NCKAP5: variants seen among roughly 807,000 people sequenced by gnomAD.
NCKAP5 encodes the protein NCK associated protein 5.
A neutral mutation model predicts 167.0 loss-of-function variants in NCKAP5; 92 were observed. The observed-to-expected ratio is 0.55, with a 90% CI of 0.47 to 0.66. The LOEUF (loss-of-function observed/expected upper bound fraction) is 0.66. Among genes scored for constraint, NCKAP5 ranks in the 30% least tolerant of loss-of-function variants. The pLI is 0.00. For missense variants in NCKAP5, 2,378 were observed against 2,315.0 expected, an observed-to-expected ratio of 1.03 and a Z score of -0.56; for synonymous variants, 891 against 877.4, an observed-to-expected ratio of 1.02 and a Z score of -0.27.
intron 1 of NCKAP5, among the ~76,000 whole-genome samples, chr2:133,560,856 C>T (rs1273834056): frequency 1.3e-5 from 2 of 152,208 alleles, no homozygotes; most frequent in Non-Finnish European, 2.9e-5. Flanking sequence ...GCAAGTATAA[C>T]TTGTGCCTAG....
intron 11 of NCKAP5, among the ~76,000 whole-genome samples, chr2:132,832,352 T>C (rs1034229619): frequency 2.6e-5 from 4 of 152,290 alleles, no homozygotes; most frequent in African/African-American, 9.6e-5. Flanking sequence ...TGCTGGCATG[T>C]AGAAATGCTG....
chr2:133,308,915 T>C (rs1403521486), intron 3 of NCKAP5, among the ~76,000 whole-genome samples: 1 of 150,878 alleles, frequency 6.6e-6, no homozygotes, highest in African/African-American at 2.4e-5. Flanking sequence ...TTTCACCTTG[T>C]TAGCCAGGAT....
chr2:133,577,230 T>C, the NCKAP5 span, among the ~76,000 whole-genome samples: 6 of 152,032 alleles, frequency 3.9e-5, no homozygotes, highest in Non-Finnish European at 7.4e-5. Flanking sequence ...ACCACCCCTG[T>C]GGTGAGAGAG....
In NCKAP5 at chr2:132,871,031, C is replaced by G. The variant is rs187519438; in HGVS notation, c.649-2057G>C. Among the ~76,000 whole-genome samples, 3 of 152,182 alleles carry G rather than the reference C, an allele frequency of 2.0e-5. No individual in the cohort carries two copies. The East Asian group carries it at 5.8e-4, about 29-fold the overall frequency. Reference sequence around the variant, plus strand: ...AAAAAAGAAAGGCTCTTCATTGAAACTATGATTTTAAATAAAATGTTTTCT... The same window carrying G: ...AAAAAAGAAAGGCTCTTCATTGAAAGTATGATTTTAAATAAAATGTTTTCT... On this transcript the variant is annotated intron_variant, in intron 9 of 19. Transcript: ENST00000409261.
intron 4 of NCKAP5, among the ~76,000 whole-genome samples, chr2:133,248,868 T>G (rs1385871660): frequency 6.6e-6 from 1 of 152,166 alleles, no homozygotes; most frequent in African/African-American, 2.4e-5. Context: ...CCTTCCTGAG[T>G]TCCAATTTAT....
At chr2:132,871,452 C>G (rs1243579299) in intron 9 of NCKAP5, among the ~76,000 whole-genome samples, 1 of 152,202 alleles carries the variant, frequency 6.6e-6, no homozygotes, top group Non-Finnish European at 1.5e-5. Flanking sequence ...TTTACATTCT[C>G]ATAAAACTGC....
chr2:132,754,932 C>T (rs948740581), intron 16 of NCKAP5, among the ~76,000 whole-genome samples: 2 of 152,204 alleles, frequency 1.3e-5, no homozygotes, highest in Non-Finnish European at 2.9e-5. Flanking sequence ...ATTGGATAAG[C>T]TCATCAAATG....
chr2:133,263,886 A>C (rs1335773295), intron 4 of NCKAP5, among the ~76,000 whole-genome samples: 4 of 152,224 alleles, frequency 2.6e-5, no homozygotes, highest in Admixed American at 6.5e-5. Context: ...AAGTAAATAT[A>C]TGCTAGAAAC....
intron 4 of NCKAP5, among the ~76,000 whole-genome samples, chr2:133,274,097 A>C (rs2089631673): frequency 6.6e-6 from 1 of 151,898 alleles, no homozygotes; most frequent in South Asian, 2.1e-4. Flanking sequence ...CTAAGGTCTT[A>C]GAGCAGTTAT....
Position 133,031,203 on chromosome 2 carries a change from T to C in NCKAP5, c.342-36964A>G, listed in dbSNP as rs772290810. On this transcript the variant is annotated intron_variant, in intron 6 of 19. Transcript: ENST00000409261. ...ATTGCTGAAAGAGGCACTGAAGAGA[T>C]TTTTTTAAAAATCCTGAATCACTGA... 3.9e-5 allele frequency among the ~76,000 whole-genome samples: 6 copies of C among 152,188 alleles called. No homozygotes were observed. The East Asian group carries it at 5.8e-4, about 15-fold the overall frequency.
At chr2:132,773,046 G>A (rs1214139635) in intron 16 of NCKAP5, among the ~76,000 whole-genome samples, 2 of 152,200 alleles carry the variant, frequency 1.3e-5, no homozygotes, top group Non-Finnish European at 2.9e-5. Flanking sequence ...TTGCGGAAGT[G>A]ATTCCATGAT....
At chr2:133,516,271 ACACACAGACACCCAGACACACT>A (rs1683983933) in intron 3 of NCKAP5, among the ~76,000 whole-genome samples, 1 of 152,196 alleles carries the variant, frequency 6.6e-6, no homozygotes, top group Admixed American at 6.5e-5. Context: ...ACAGAGACAC[ACACACAGACACCCAGACACACT>A]CACACACCAA....
intron 5 of NCKAP5, among the ~76,000 whole-genome samples, chr2:133,174,355 T>C (rs1246047694): frequency 2.0e-5 from 3 of 152,174 alleles, no homozygotes; most frequent in Non-Finnish European, 4.4e-5. Flanking sequence ...GGCTTACTTG[T>C]AGTAGGCTCT....
intron 8 of NCKAP5, among the ~76,000 whole-genome samples, chr2:132,954,104 C>A (rs992265476): frequency 2.0e-5 from 3 of 152,162 alleles, no homozygotes; most frequent in Non-Finnish European, 2.9e-5. Flanking sequence ...AGTTATATAG[C>A]CATCCTTCCT....
intron 8 of NCKAP5, among the ~76,000 whole-genome samples, chr2:132,928,685 A>G (rs1401042567): frequency 6.6e-6 from 1 of 152,202 alleles, no homozygotes; most frequent in Non-Finnish European, 1.5e-5. Context: ...TTATACACGA[A>G]TTTGAACATA....
the NCKAP5 span, among the ~76,000 whole-genome samples, chr2:133,629,637 C>G: frequency 2.6e-5 from 4 of 151,852 alleles, no homozygotes; most frequent in African/African-American, 7.3e-5. Context: ...GGGTATATAC[C>G]CAAGGGAATA....
intron 3 of NCKAP5, among the ~76,000 whole-genome samples, chr2:133,313,064 A>G (rs1681357407): frequency 6.6e-6 from 1 of 152,140 alleles, no homozygotes; most frequent in African/African-American, 2.4e-5. Context: ...TGCTCAGTTC[A>G]GCACATTTTT....
At chr2:132,901,647 A>T (rs544896944) in intron 8 of NCKAP5, among the ~76,000 whole-genome samples, 1 of 152,360 alleles carries the variant, frequency 6.6e-6, no homozygotes, top group East Asian at 1.9e-4. Context: ...GTATGAAAAA[A>T]TACTTAAAAT....
intron 6 of NCKAP5, among the ~76,000 whole-genome samples, chr2:133,064,751 AT>A: frequency 6.6e-6 from 1 of 152,342 alleles, no homozygotes; most frequent in South Asian, 2.1e-4. Flanking sequence ...TGTGATTCTA[AT>A]CCAAACACCA....
Sources: allele counts gnomAD v4.1 joint callset (sites outside exome capture counted in the v4.1 genomes callset), GRCh38; gene constraint gnomAD v4.1.1; transcripts MANE v1.5; gene names NCBI Gene and HGNC (gene_info 2026-07-23, HGNC 2026-07-21).